The following CDK6 variants were observed in gnomAD, a reference collection of about 807,000 sequenced individuals.
CDK6 encodes the protein cyclin dependent kinase 6.
Under a neutral mutation model 37.1 loss-of-function variants are expected in CDK6, and 6 were observed. The ratio of observed to expected loss-of-function variants is 0.16; its 90% CI spans 0.09 to 0.32. The LOEUF (loss-of-function observed/expected upper bound fraction) is 0.32, where lower values mean the gene tolerates loss of function less well. CDK6 is among the 10% of genes least tolerant of loss of function. The probability of loss-of-function intolerance (pLI) is 1.00; values close to 1 mark genes in which losing one functional copy is unlikely to be tolerated. For synonymous variants in CDK6, 160 were observed against 161.3 expected (o/e 0.99, Z 0.06); for missense variants, 224 against 418.9 (o/e 0.53, Z 4.06).
At position 92,684,127 on chromosome 7, in the gene CDK6, A is replaced by G. The variant is rs866158068; in HGVS notation, c.538-12592T>C. On this transcript the variant is annotated intron_variant, in intron 4 of 7. Transcript: ENST00000424848. ...ATCTTCAGTTTAATGGTGTGAGGCG[A>G]GTATCAACGACTCTATTTTTACAGA... 4.6e-5 allele frequency among the ~76,000 whole-genome samples: 7 copies of G among 151,884 alleles called. No homozygotes were observed. In the South Asian group the frequency reaches 6.3e-4, roughly 14 times the overall value.
At chr7:92,680,501 A>C (rs977456324) in intron 4 of CDK6, among the ~76,000 whole-genome samples, 1 of 151,846 alleles carries the variant, frequency 6.6e-6, no homozygotes, top group African/African-American at 2.4e-5. Context: ...AGTCATCTCA[A>C]ATTCACCCAT....
At chr7:92,754,213 A>G (rs923016500) in intron 3 of CDK6, among the ~76,000 whole-genome samples, 1 of 152,170 alleles carries the variant, frequency 6.6e-6, no homozygotes, top group Admixed American at 6.5e-5. Context: ...TTCCTCAGTA[A>G]CATTCAGGAA....
chr7:92,682,972 T>A (rs1031720096), intron 4 of CDK6, among the ~76,000 whole-genome samples: 1 of 152,268 alleles, frequency 6.6e-6, no homozygotes, highest in African/African-American at 2.4e-5. Flanking sequence ...ATTAAACGTC[T>A]ATTATGTTTA....
intron 4 of CDK6, among the ~76,000 whole-genome samples, chr7:92,688,156 C>T (rs779531289): frequency 3.9e-5 from 6 of 152,136 alleles, no homozygotes; most frequent in Non-Finnish European, 5.9e-5. Flanking sequence ...AGTAGGCAAA[C>T]GTTTAGTAGA....
chr7:92,636,906 C>G (rs1289759520), intron 5 of CDK6, among the ~76,000 whole-genome samples: 1 of 152,188 alleles, frequency 6.6e-6, no homozygotes, highest in Non-Finnish European at 1.5e-5. Context: ...CTCAGGTGAT[C>G]TGCCCACCTC....
At chr7:92,741,299 T>C (rs1195542033) in intron 3 of CDK6, among the ~76,000 whole-genome samples, 3 of 152,194 alleles carry the variant, frequency 2.0e-5, no homozygotes, top group Admixed American at 2.0e-4. Context: ...ATGTTTGCAT[T>C]AGGATGGCCA....
chr7:92,674,239 C>T (rs1243175734), intron 4 of CDK6, among the ~76,000 whole-genome samples: 1 of 152,134 alleles, frequency 6.6e-6, no homozygotes, highest in African/African-American at 2.4e-5. Context: ...CTCCTCTCCA[C>T]ATATGTAAAT....
intron 5 of CDK6, among the ~76,000 whole-genome samples, chr7:92,637,854 G>T (rs1358614742): frequency 6.6e-6 from 1 of 151,942 alleles, no homozygotes; most frequent in Non-Finnish European, 1.5e-5. Flanking sequence ...AAAAGAGAAC[G>T]CTGAGATAAA....
Position 92,725,658 on chromosome 7 carries a change from T to C in CDK6, c.505A>G (p.Ile169Val), listed in dbSNP as rs749535046. ...GTTAGAGCCATCTGGAAACTATAGA[T>C]GCGGGCAAGGCCGAAGTCAGCGAGT... ...IKLADFGLAR[I>V]YSFQMALTSV... The change falls in exon 4 of 8, where the codon ATC (isoleucine) becomes GTC (valine). Residue 169 changes from isoleucine to valine, a missense_variant. Ile to Val is a conservative substitution (Grantham distance 29). This residue lies in a region of CDK6 where 82 missense variants were observed against 202.1 expected (regional missense o/e 0.41). Transcript: ENST00000424848. 21 of 1,613,968 alleles carry C rather than the reference T, an allele frequency of 1.3e-5. No individual in the cohort carries two copies. Among genetic ancestry groups the C allele is most frequent in the Non-Finnish European group, 1.5e-5 (18 of 1,179,970 alleles).
At chr7:92,632,556 G>T (rs1243713046) in intron 5 of CDK6, among the ~76,000 whole-genome samples, 1 of 152,116 alleles carries the variant, frequency 6.6e-6, no homozygotes, top group Non-Finnish European at 1.5e-5. Flanking sequence ...TGAGTTTAGT[G>T]TGGTGATTAA....
intron 7 of CDK6, 123 bp downstream of exon 7, chr7:92,617,949 G>A (rs1795717135): frequency 6.9e-6 from 6 of 871,242 alleles, no homozygotes; most frequent in Non-Finnish European, 1.0e-5. Context: ...CCTGCTCCAT[G>A]TGGCTGTGGC....
chr7:92,778,946 T>TATATATATATATATATATATATAAAAAA (rs1479181745), intron 2 of CDK6, among the ~76,000 whole-genome samples: 1 of 135,012 alleles, frequency 7.4e-6, no homozygotes, highest in African/African-American at 3.0e-5. Context: ...TATATATATA[T>TATATATATATATATATATATATAAAAAA]AAGATATTAT....
chr7:92,774,405 C>T (rs1799794732), intron 3 of CDK6, among the ~76,000 whole-genome samples: 1 of 152,164 alleles, frequency 6.6e-6, no homozygotes, highest in Non-Finnish European at 1.5e-5. Context: ...CTAAGACAAT[C>T]TACAACTAAG....
chr7:92,778,936 T>TAC (rs1799915121), intron 2 of CDK6, among the ~76,000 whole-genome samples: 1 of 143,142 alleles, frequency 7.0e-6, no homozygotes, highest in African/African-American at 2.7e-5. Flanking sequence ...TATATATATA[T>TAC]ATATATATAT....
intron 6 of CDK6, among the ~76,000 whole-genome samples, chr7:92,622,483 G>A (rs564841000): frequency 6.6e-6 from 1 of 152,240 alleles, no homozygotes; most frequent in South Asian, 2.1e-4. Context: ...CCCTTCACGA[G>A]GTGTTTTAAA....
intron 3 of CDK6, among the ~76,000 whole-genome samples, chr7:92,727,801 A>G (rs1288820613): frequency 6.6e-6 from 1 of 152,160 alleles, no homozygotes; most frequent in East Asian, 1.9e-4. Flanking sequence ...TCAAGACTTG[A>G]GAAGCACTGC....
chr7:92,785,346 A>T (rs1800099984), intron 2 of CDK6, among the ~76,000 whole-genome samples: 1 of 152,142 alleles, frequency 6.6e-6, no homozygotes, highest in African/African-American at 2.4e-5. Flanking sequence ...GATCTATAGA[A>T]ATCGAAAGTG....
intron 2 of CDK6, among the ~76,000 whole-genome samples, chr7:92,819,508 G>A (rs1801117711): frequency 6.6e-6 from 1 of 151,978 alleles, no homozygotes; most frequent in Admixed American, 6.6e-5. Flanking sequence ...CACTTAAAAT[G>A]GGTGTATTTT....
chr7:92,626,155 T>C (rs371239267), intron 5 of CDK6, among the ~76,000 whole-genome samples: 1 of 152,024 alleles, frequency 6.6e-6, no homozygotes, highest in African/African-American at 2.4e-5. Context: ...TACACACTAA[T>C]TGACTGATTA....
Sources: gnomAD v4.1 joint callset for allele counts (sites outside exome capture counted in the v4.1 genomes callset) on GRCh38, gnomAD v4.1.1 for gene constraint, gnomAD v4.1.1 regional missense constraint, MANE v1.5 for transcripts, NCBI Gene and HGNC (gene_info 2026-07-23, HGNC 2026-07-21) for gene names.